Variants in WDR76 observed in about 807,000 individuals in gnomAD.
WDR76 encodes WD repeat domain 76.
A neutral mutation model predicts 70.2 loss-of-function variants in WDR76; 52 were observed. The ratio of observed to expected loss-of-function variants is 0.74; its 90% CI spans 0.59 to 0.93. WDR76 has a LOEUF of 0.93. Ranked by LOEUF, WDR76 falls within the 40% of genes least tolerant of loss-of-function variation. The probability of loss-of-function intolerance (pLI) is 0.00; values close to 1 mark genes in which losing one functional copy is unlikely to be tolerated. For missense variants in WDR76, 756 were observed against 760.2 expected, an observed-to-expected ratio of 0.99 and a Z score of 0.07; for synonymous variants, 292 against 271.1, an observed-to-expected ratio of 1.08 and a Z score of -0.76.
At position 43,866,969 on chromosome 15, in the gene WDR76, CATT is replaced by C. The variant is rs1157745740; in HGVS notation, c.*580_*582del. 1 of 152,374 alleles carries C rather than the reference CATT, an allele frequency of 6.6e-6. No individual in the cohort carries two copies. Among genetic ancestry groups the C allele is most frequent in the African/African-American group, 2.4e-5 (1 of 41,392 alleles). 9.4% of individuals were successfully genotyped at this position (152,374 alleles called of 1,614,324 possible). A position where few individuals can be genotyped will look rare whatever the true frequency, so the allele number is the denominator to read the frequency against. On this transcript the variant is annotated 3_prime_UTR_variant, in exon 13 of 13. Transcript: ENST00000263795. ...AAGACAGTATGTTGAGAAATTCTAA[CATT>C]ATAAATTACAAAGCTTTGACTATTA...
At chr15:43,830,432 C>A (rs557559314) in intron 2 of WDR76, among the ~76,000 whole-genome samples, 3 of 151,948 alleles carry the variant, frequency 2.0e-5, no homozygotes, top group Admixed American at 6.6e-5. Flanking sequence ...CGTGGTGGCA[C>A]AGGCCTGTAA....
intron 5 of WDR76, 124 bp downstream of exon 5, chr15:43,839,852 TG>T (rs2087702769): frequency 1.2e-5 from 14 of 1,211,830 alleles, no homozygotes; most frequent in Admixed American, 6.2e-5. Context: ...ACTTGAATGT[TG>T]TATGGTTTTG....
intron 7 of WDR76, among the ~76,000 whole-genome samples, chr15:43,843,245 A>C (rs1022804229): frequency 6.6e-6 from 1 of 151,874 alleles, no homozygotes; most frequent in Admixed American, 6.6e-5. Flanking sequence ...GGTCTTGAAT[A>C]CCTGGGCTCA....
At chr15:43,860,045 G>A (rs1310632952) in intron 11 of WDR76, among the ~76,000 whole-genome samples, 1 of 152,194 alleles carries the variant, frequency 6.6e-6, no homozygotes, top group African/African-American at 2.4e-5. Flanking sequence ...GAGCCCAGGA[G>A]TTCGAGACCA....
chr15:43,839,704 G>A lies in WDR76; in HGVS notation c.708G>A (p.Pro236=), dbSNP rs144561534. The part of the protein sequence containing the change: ...SGVSLPAAPT[P]PTLVADETPL... The stretch of plus-strand genomic sequence containing the variant: ...TTTCATTACCAGCAGCTCCAACACC[G>A]CCGACATTAGTAGCAGATGAAACTG... Residue 236 remains proline (P), a synonymous_variant, in exon 5 of 13, where the codon CCG becomes CCA. Transcript: ENST00000263795. 5.6e-6 allele frequency: 9 copies of A among 1,608,990 alleles called. No individual in the cohort carries two copies. In the African/African-American group the frequency reaches 6.7e-5, roughly 12 times the overall value.
intron 9 of WDR76, among the ~76,000 whole-genome samples, chr15:43,856,388 C>T (rs2087927206): frequency 6.6e-6 from 1 of 152,096 alleles, no homozygotes; most frequent in African/African-American, 2.4e-5. Context: ...GTGTCTTGGA[C>T]TTGGTTGGCA....
At chr15:43,834,811 A>G (rs2087634869) in intron 2 of WDR76, among the ~76,000 whole-genome samples, 1 of 152,192 alleles carries the variant, frequency 6.6e-6, no homozygotes. Context: ...ACTAGATCAT[A>G]CTACTTGATT....
At chr15:43,852,693 A>T (rs1172901586) in intron 9 of WDR76, among the ~76,000 whole-genome samples, 1 of 152,108 alleles carries the variant, frequency 6.6e-6, no homozygotes, top group Non-Finnish European at 1.5e-5. Flanking sequence ...TGGACATTTC[A>T]TATAAATGAA....
chr15:43,844,862 A>ATGAGTT (rs1555462360), intron 8 of WDR76, among the ~76,000 whole-genome samples: 8 of 110,018 alleles, frequency 7.3e-5, no homozygotes, highest in Admixed American at 1.3e-4. Flanking sequence ...TGGGAGGGGG[A>ATGAGTT]GCTTGCAGTG....
chr15:43,837,093 C>G (rs2087666731), intron 4 of WDR76, among the ~76,000 whole-genome samples: 1 of 151,166 alleles, frequency 6.6e-6, no homozygotes, highest in South Asian at 2.1e-4. Context: ...GTCAAAACAG[C>G]TTATAAGTGG....
rs914084924 is a variant in WDR76 at position 43,831,564 on chromosome 15, G to A, written c.462+3198G>A. Among the ~76,000 whole-genome samples the A allele has an allele frequency of 1.1e-4, 16 of 151,900 alleles. 1 individual carries two copies. Among genetic ancestry groups the A allele is most frequent in the Admixed American group, 8.5e-4 (13 of 15,248 alleles). ...AGCGATTCTCCCATCTCAGCGTCCC[G>A]AGTAGCTGGGATTACTGGCGTGTGC... On this transcript the variant is annotated intron_variant, in intron 2 of 12. Transcript: ENST00000263795.
intron 2 of WDR76, among the ~76,000 whole-genome samples, chr15:43,833,766 A>T (rs1567182522): frequency 6.6e-6 from 1 of 151,922 alleles, no homozygotes; most frequent in Non-Finnish European, 1.5e-5. Flanking sequence ...CCTCCCGAGT[A>T]GCTGGGACTA....
intron 2 of WDR76, among the ~76,000 whole-genome samples, chr15:43,829,988 TTTTTTC>T (rs2087566433): frequency 1.3e-5 from 2 of 151,960 alleles, no homozygotes; most frequent in Admixed American, 6.6e-5. Flanking sequence ...TTTGCATATC[TTTTTTC>T]TTTTTCTTTC....
chr15:43,840,611 A>T (rs2087712643), intron 5 of WDR76, among the ~76,000 whole-genome samples: 2 of 152,172 alleles, frequency 1.3e-5, no homozygotes, highest in African/African-American at 4.8e-5. Flanking sequence ...TTGGGAGCAA[A>T]TTGCAAATCT....
intron 11 of WDR76, among the ~76,000 whole-genome samples, chr15:43,859,563 T>G (rs571927259): frequency 9.2e-5 from 14 of 152,198 alleles, no homozygotes; most frequent in Admixed American, 2.0e-4. Context: ...CAGTTTCTGT[T>G]TAAACCCACC....
chr15:43,832,663 C>G (rs1374445271), intron 2 of WDR76, among the ~76,000 whole-genome samples: 1 of 149,798 alleles, frequency 6.7e-6, no homozygotes, highest in Non-Finnish European at 1.5e-5. Flanking sequence ...CTAGGCTGGT[C>G]TCGAACTCCT....
intron 3 of WDR76, 145 bp from the exon 4 acceptor site, chr15:43,836,016 G>A (rs1015271541): frequency 4.5e-5 from 26 of 573,614 alleles, no homozygotes; most frequent in Non-Finnish European, 3.3e-5. Context: ...GTACAGTGGC[G>A]CTGATCATGA....
At chr15:43,829,276 C>G (rs1040558631) in intron 2 of WDR76, among the ~76,000 whole-genome samples, 12 of 151,932 alleles carry the variant, frequency 7.9e-5, no homozygotes, top group African/African-American at 2.9e-4. Context: ...TTTAACTGGA[C>G]AAGATAAAAC....
rs985738992 is a variant in WDR76, at chr15:43,851,083, C to T, written c.1033-4C>T. The T allele has an allele frequency of 3.7e-6, 6 of 1,613,874 alleles. No individual in the cohort carries two copies. The African/African-American group carries it at 6.7e-5, about 18-fold the overall frequency. The stretch of plus-strand genomic sequence containing the variant: ...CTCTCCCCTTTCCCGCAACTCTCTT[C>T]CAGACCCAGCAACCTAAAGAAGATG... On this transcript the variant is annotated splice_region_variant and splice_polypyrimidine_tract_variant and intron_variant, in intron 8 of 12. Transcript: ENST00000263795.
Sources: gnomAD v4.1 joint callset for allele counts (sites outside exome capture counted in the v4.1 genomes callset) on GRCh38, gnomAD v4.1.1 for gene constraint, MANE v1.5 for transcripts, NCBI Gene and HGNC (gene_info 2026-07-23, HGNC 2026-07-21) for gene names.